Variants in TBL3 observed in about 807,000 individuals in gnomAD.
TBL3 encodes transducin beta like 3.
Under a neutral mutation model 102.7 loss-of-function variants are expected in TBL3, and 71 were observed. The ratio of observed to expected loss-of-function variants is 0.69; its 90% confidence interval spans 0.57 to 0.84. The LOEUF (loss-of-function observed/expected upper bound fraction) is 0.84, where lower values mean the gene tolerates loss of function less well. Ranked by LOEUF, TBL3 falls within the 40% of genes least tolerant of loss-of-function variation. The pLI is 0.00. For missense variants in TBL3, 1,188 were observed against 1,098.5 expected, an observed-to-expected ratio of 1.08 and a Z score of -1.15; for synonymous variants, 578 against 477.7, an observed-to-expected ratio of 1.21 and a Z score of -2.74.
Position 1,978,712 on chromosome 16 carries a change from C to T in TBL3, c.*27C>T. On this transcript the variant is annotated 3_prime_UTR_variant, in exon 22 of 22. Coordinates refer to ENST00000568546, the MANE Select transcript of TBL3 (RefSeq NM_006453.3). ...CGGTCCGGCCTCTCTCCAGTCCATCCTGAACCCCTGGAAAACCCATAAAGG... is the reference window on the plus strand; with the variant it reads ...CGGTCCGGCCTCTCTCCAGTCCATCTTGAACCCCTGGAAAACCCATAAAGG... The T allele has an allele frequency of 1.3e-6, 2 of 1,592,856 alleles. No homozygotes were observed. Among genetic ancestry groups the T allele is most frequent in the Non-Finnish European group, 1.7e-6 (2 of 1,165,066 alleles).
In TBL3 at chr16:1,975,687, C is replaced by T. The variant is rs745777833; in HGVS notation, c.964C>T (p.Arg322Cys). 13 of 1,611,180 alleles carry T rather than the reference C, an allele frequency of 8.1e-6. No individual in the cohort carries two copies. Among genetic ancestry groups the T allele is most frequent in the South Asian group, 4.4e-5 (4 of 91,024 alleles). Reference sequence around the variant, plus strand: ...CCACAACCTGTTGCTCTACGAGGCTCGCTCCCTGCGGCTGCAGAAACAGGT... The same window carrying T: ...CCACAACCTGTTGCTCTACGAGGCTTGCTCCCTGCGGCTGCAGAAACAGGT... ...ADHNLLLYEA[R>C]SLRLQKQFAG... Residue 322 changes from arginine (R) to cysteine (C), a missense_variant, in exon 10 of 22, where the codon CGC becomes TGC. Transcript: ENST00000568546.
At position 1,979,129 on chromosome 16, in the gene TBL3, G is replaced by A; in HGVS notation, c.*444G>A. ...CCCTGGCGCCGTGGGCGCCGCTCCA[G>A]GGCCCTGCGTGTGACGGTGCAGCAG... is the stretch of plus-strand genomic sequence containing the variant. On this transcript the variant is annotated 3_prime_UTR_variant, in exon 22 of 22. Coordinates refer to ENST00000568546, the MANE Select transcript of TBL3 (RefSeq NM_006453.3). 2 of 1,482,520 alleles carry A rather than the reference G, an allele frequency of 1.3e-6. No individual in the cohort carries two copies. Among genetic ancestry groups the A allele is most frequent in the Non-Finnish European group, 1.8e-6 (2 of 1,129,614 alleles). The allele number at this position is 1,482,520 out of a possible 1,614,324, so 91.8% of individuals were successfully genotyped here. A position where few individuals can be genotyped will look rare whatever the true frequency, so the allele number is the denominator to read the frequency against.
At chr16:1,977,929 C>T in intron 18 of TBL3, 29 bp from the exon 19 acceptor site, 3 of 1,588,846 alleles carry the variant, frequency 1.9e-6, no homozygotes, top group South Asian at 2.3e-5. Flanking sequence ...GCCAGCGGCC[C>T]TCAGTGGCCT....
chr16:1,980,734 G>T lies in TBL3; in HGVS notation c.*2049G>T. ...GGGAAGGTCTCCTTGAGGGTCTTCT[G>T]AGGGCGGGAACCAGGGCATTGGTCT... On this transcript the variant is annotated 3_prime_UTR_variant, in exon 22 of 22. Transcript: ENST00000568546. 1 of 1,595,234 alleles carries T rather than the reference G, an allele frequency of 6.3e-7. No individual in the cohort carries two copies. Among genetic ancestry groups the T allele is most frequent in the African/African-American group, 1.3e-5 (1 of 74,856 alleles).
chr16:1,975,708 C>T lies in TBL3; in HGVS notation c.985C>T (p.Gln329Ter). The change falls in exon 10 of 22, where the codon CAG becomes TAG. Residue 329 changes from glutamine (Q) to a stop codon, truncating the protein, a stop_gained and splice_region_variant. Coordinates refer to ENST00000568546, the MANE Select transcript of TBL3 (RefSeq NM_006453.3). LOFTEE classifies it high-confidence loss of function. ...YEARSLRLQK[Q>*]FAGYSEEVLD... ...GGCTCGCTCCCTGCGGCTGCAGAAA[C>T]AGGTGCACACCTGCCCTTGCTCAGT... 1 of 1,612,196 alleles carries T rather than the reference C, an allele frequency of 6.2e-7. No individual in the cohort carries two copies. Among genetic ancestry groups the T allele is most frequent in the Non-Finnish European group, 8.5e-7 (1 of 1,179,382 alleles).
At position 1,979,501 on chromosome 16, in the gene TBL3, C is replaced by T. The variant is rs148518313; in HGVS notation, c.*816C>T. On this transcript the variant is annotated 3_prime_UTR_variant, in exon 22 of 22. Coordinates refer to ENST00000568546, the MANE Select transcript of TBL3 (RefSeq NM_006453.3). Reference sequence around the variant, plus strand: ...CCCGCGGGCACGGACAGCTCATCTGCGCGGCTGCTCTCGTAGGCGCGGGAA... The same window carrying T: ...CCCGCGGGCACGGACAGCTCATCTGTGCGGCTGCTCTCGTAGGCGCGGGAA... 47 of 1,611,822 alleles carry T rather than the reference C, an allele frequency of 2.9e-5. No homozygotes were observed. In the African/African-American group the frequency reaches 3.9e-4, roughly 13 times the overall value.
intron 1 of TBL3, among the ~76,000 whole-genome samples, chr16:1,972,639 G>A (rs1458602347): frequency 6.6e-6 from 1 of 152,228 alleles, no homozygotes; most frequent in Non-Finnish European, 1.5e-5. Flanking sequence ...GTCCGCAGAA[G>A]CCCAGGAGGC....
chr16:1,976,265 G>T lies in TBL3; in HGVS notation c.1243G>T (p.Ala415Ser). Reference protein sequence around the residue: ...MNKAGQVMCVAQGSGHTHSVG... With the variant: ...MNKAGQVMCVSQGSGHTHSVG... Reference sequence around the variant, plus strand: ...CAAGGCTGGCCAGGTGATGTGCGTGGCTCAGGGTTCCGGTCACACACACAG... The same window carrying T: ...CAAGGCTGGCCAGGTGATGTGCGTGTCTCAGGGTTCCGGTCACACACACAG... The change falls in exon 13 of 22, where the codon GCT (alanine) becomes TCT (serine). Residue 415 changes from alanine (A) to serine (S), a missense_variant. Physicochemically the swap from Ala to Ser is moderately conservative, Grantham distance 99. Transcript: ENST00000568546. 6.2e-7 allele frequency: 1 copy of T among 1,614,144 alleles called. No homozygotes were observed. The highest frequency in any genetic ancestry group is 8.5e-7 in the Non-Finnish European group (1 of 1,180,028).
Position 1,972,189 on chromosome 16 carries a change from GGCC to G in TBL3, c.28_30del (p.Arg10del). On this transcript the variant is annotated inframe_deletion, in exon 1 of 22. Transcript: ENST00000568546. ...CATGGCAGAGACCGCGGCCGGAGTG[GGCC>G]GCTTCAAGACCAAGTGAGCCCGGAG... 1 of 1,425,714 alleles carries G rather than the reference GGCC, an allele frequency of 7.0e-7. No homozygotes were observed. The highest frequency in any genetic ancestry group is 1.5e-5 in the South Asian group (1 of 67,668). The allele number at this position is 1,425,714 out of a possible 1,614,324, so 88.3% of individuals were successfully genotyped here.
Position 1,974,118 on chromosome 16 carries a change from G to C in TBL3, c.93+11G>C, listed in dbSNP as rs1250754773. The C allele has an allele frequency of 8.2e-6, 13 of 1,585,956 alleles. No homozygotes were observed. The highest frequency in any genetic ancestry group is 1.1e-5 in the South Asian group (1 of 88,982). ...GGCGGAAAAGCACAGGTACCAGCCT[G>C]GGGAAGGGCAGTGGGGCGGGCAGCC... On this transcript the variant is annotated intron_variant, in intron 2 of 21. Coordinates refer to ENST00000568546, the MANE Select transcript of TBL3 (RefSeq NM_006453.3).
Position 1,975,931 on chromosome 16 carries a change from A to T in TBL3, c.1111A>T (p.Ile371Phe). 6.2e-7 allele frequency: 1 copy of T among 1,614,132 alleles called. No individual in the cohort carries two copies. The change falls in exon 11 of 22, where the codon ATC becomes TTC. Residue 371 changes from isoleucine to phenylalanine, a missense_variant. By Grantham distance (21) the Ile-to-Phe change is conservative. Transcript: ENST00000568546. ...VFELQTSACQ[I>F]LHGHTDIVLA... is the part of the protein sequence containing the mutation. ...TGAGCTGCAGACGTCAGCCTGCCAG[A>T]TCCTCCACGGCCACACGGGTGAGTG...
rs937873075 is a variant in TBL3, at chr16:1,979,280, G to A, written c.*595G>A. ...CGTCTCCTCCACGGAACCCCGTCCC[G>A]CTCAGGAGAGCGCCCAGCCCTTCCG... On this transcript the variant is annotated 3_prime_UTR_variant, in exon 22 of 22. Transcript: ENST00000568546. The A allele has an allele frequency of 6.4e-7, 1 of 1,554,278 alleles. No homozygotes were observed. The highest frequency in any genetic ancestry group is 8.6e-7 in the Non-Finnish European group (1 of 1,157,772).
chr16:1,977,304 C>T lies in TBL3; in HGVS notation c.1671+20C>T, dbSNP rs1448308189. 5 of 1,613,286 alleles carry T rather than the reference C, an allele frequency of 3.1e-6. No homozygotes were observed. Among genetic ancestry groups the T allele is most frequent in the African/African-American group, 1.3e-5 (1 of 75,040 alleles). ...CTCAAGGTAAGTGGCGCTCCAGACCCTCCCCACTTCCCGCCCTGGTGACAT... is the reference window on the plus strand; with the variant it reads ...CTCAAGGTAAGTGGCGCTCCAGACCTTCCCCACTTCCCGCCCTGGTGACAT... On this transcript the variant is annotated intron_variant, in intron 15 of 21. Coordinates refer to ENST00000568546, the MANE Select transcript of TBL3 (RefSeq NM_006453.3).
rs771294219 is a variant in TBL3 at position 1,977,686 on chromosome 16, G to A, written c.1899+16G>A. ...CCTCTGGAAGGTTGTGGGCCCCAAGGGCAGGGAAGAGTCGGGGTGGAGTGG... is the reference window on the plus strand; with the variant it reads ...CCTCTGGAAGGTTGTGGGCCCCAAGAGCAGGGAAGAGTCGGGGTGGAGTGG... On this transcript the variant is annotated intron_variant, in intron 17 of 21. Transcript: ENST00000568546. The A allele has an allele frequency of 1.4e-4, 210 of 1,551,804 alleles. 4 individuals are homozygous for A. The South Asian group carries it at 2.2e-3, about 16-fold the overall frequency.
intron 1 of TBL3, among the ~76,000 whole-genome samples, chr16:1,973,223 C>G (rs768055606): frequency 2.6e-5 from 4 of 152,076 alleles, no homozygotes; most frequent in Admixed American, 6.5e-5. Flanking sequence ...GGGCGGATCA[C>G]GAGGTCAGGA....
At chr16:1,975,459 G>A (rs760443201) in intron 9 of TBL3, 21 bp downstream of exon 9, 36 of 1,611,904 alleles carry the variant, frequency 2.2e-5, no homozygotes, top group Middle Eastern at 1.7e-4. Context: ...CCGGGACATG[G>A]GCAGGCGGTA....
chr16:1,976,212 A>AC lies in TBL3; in HGVS notation c.1190_1191insC (p.Gln398SerfsTer34), dbSNP rs1286129851. 1 of 1,614,182 alleles carries AC rather than the reference A, an allele frequency of 6.2e-7. No homozygotes were observed. On this transcript the variant is annotated frameshift_variant and splice_region_variant, in exon 13 of 22. Coordinates refer to ENST00000568546, the MANE Select transcript of TBL3 (RefSeq NM_006453.3). LOFTEE classifies it high-confidence loss of function. The stretch of plus-strand genomic sequence containing the variant: ...CTCTCCTCAACTCCCTGTCCCCAGG[A>AC]TCAGAGCGTCCGTATCTGGAGAATG...
rs768084338 is a variant in TBL3, at chr16:1,976,197, C to T, written c.1189-14C>T. On this transcript the variant is annotated splice_polypyrimidine_tract_variant and intron_variant, in intron 12 of 21. Coordinates refer to ENST00000568546, the MANE Select transcript of TBL3 (RefSeq NM_006453.3). ...CCCATGGACCAGCCTCTCTCCTCAA[C>T]TCCCTGTCCCCAGGATCAGAGCGTC... The T allele has an allele frequency of 8.1e-6, 13 of 1,614,016 alleles. No homozygotes were observed. In the South Asian group the frequency reaches 8.8e-5, roughly 11 times the overall value.
chr16:1,974,139 CAGCCAGAGGCCGCGGGGG>C, intron 2 of TBL3, 32 bp downstream of exon 2: 1 of 1,567,604 alleles, frequency 6.4e-7, no homozygotes, highest in Non-Finnish European at 8.7e-7. Flanking sequence ...GTGGGGCGGG[CAGCCAGAGGCCGCGGGGG>C]GTGCTGAATG....
Sources: gnomAD v4.1 joint callset for allele counts (sites outside exome capture counted in the v4.1 genomes callset) on GRCh38, gnomAD v4.1.1 for gene constraint, MANE v1.5 for transcripts, NCBI Gene and HGNC (gene_info 2026-07-23, HGNC 2026-07-21) for gene names.